B3GALT1: variants seen among roughly 807,000 people sequenced by gnomAD.
B3GALT1 encodes UDP-Gal:betaGlcNAc beta 1,3-galactosyltransferase, polypeptide 1.
A neutral mutation model predicts 23.2 loss-of-function variants in B3GALT1; 10 were observed. The observed-to-expected ratio is 0.43, with a 90% confidence interval of 0.27 to 0.73. B3GALT1 has a LOEUF of 0.73. B3GALT1 is among the 30% of genes least tolerant of loss of function. B3GALT1 has a pLI of 0.21. For synonymous variants in B3GALT1, 156 were observed against 141.5 expected, an observed-to-expected ratio of 1.10 and a Z score of -0.73; for missense variants, 299 against 405.4, an observed-to-expected ratio of 0.74 and a Z score of 2.25.
At chr2:167,311,478 T>C (rs990823980) in intron 1 of B3GALT1, among the ~76,000 whole-genome samples, 2 of 152,162 alleles carry the variant, frequency 1.3e-5, no homozygotes, top group South Asian at 4.1e-4. Flanking sequence ...GCATCTCTTT[T>C]GTAATTTTTA....
chr2:167,693,718 A>G (rs1443628469), intron 3 of B3GALT1, among the ~76,000 whole-genome samples: 1 of 152,098 alleles, frequency 6.6e-6, no homozygotes, highest in African/African-American at 2.4e-5. Context: ...TCTTTACTGC[A>G]TTTGGTACTA....
intron 1 of B3GALT1, among the ~76,000 whole-genome samples, chr2:167,396,227 C>A (rs1698092762): frequency 6.6e-6 from 1 of 152,036 alleles, no homozygotes; most frequent in African/African-American, 2.4e-5. Context: ...TCATGGGAAA[C>A]CGTTGAATGG....
chr2:167,556,025 A>G (rs990174260), intron 2 of B3GALT1, among the ~76,000 whole-genome samples: 16 of 152,286 alleles, frequency 1.1e-4, no homozygotes, highest in African/African-American at 3.8e-4. Flanking sequence ...GGATTTTTCT[A>G]TGGATCCCAG....
chr2:167,450,889 TTTC>T (rs1240703085), intron 1 of B3GALT1, among the ~76,000 whole-genome samples: 1 of 151,802 alleles, frequency 6.6e-6, no homozygotes, highest in East Asian at 1.9e-4. Flanking sequence ...TTGTTCATTT[TTTC>T]TTATCTTTTT....
At chr2:167,495,346 T>C (rs1386468808) in intron 2 of B3GALT1, among the ~76,000 whole-genome samples, 1 of 148,690 alleles carries the variant, frequency 6.7e-6, no homozygotes, top group African/African-American at 2.5e-5. Context: ...TTTTTTTTTT[T>C]TTTTGTGATG....
intron 3 of B3GALT1, among the ~76,000 whole-genome samples, chr2:167,736,347 AG>A (rs1574237164): frequency 6.6e-6 from 1 of 152,234 alleles, no homozygotes; most frequent in Admixed American, 6.5e-5. Context: ...CTATGTCAAA[AG>A]ATAATTCAGC....
chr2:167,319,705 T>C (rs1028737713), intron 1 of B3GALT1, among the ~76,000 whole-genome samples: 1 of 152,050 alleles, frequency 6.6e-6, no homozygotes, highest in African/African-American at 2.4e-5. Context: ...GAAAAAGATA[T>C]ATATAATGTT....
At chr2:167,615,161 A>T (rs1685138626) in intron 2 of B3GALT1, among the ~76,000 whole-genome samples, 1 of 152,106 alleles carries the variant, frequency 6.6e-6, no homozygotes, top group Non-Finnish European at 1.5e-5. Flanking sequence ...TAGATGAAGA[A>T]ATTGTAGTGT....
In B3GALT1 at chr2:167,294,541, C is replaced by A. The variant is rs1351731878; in HGVS notation, c.-511+1207C>A. Among the ~76,000 whole-genome samples the A allele has an allele frequency of 5.9e-5, 9 of 152,328 alleles. No individual in the cohort carries two copies. The East Asian group carries it at 1.7e-3, about 29-fold the overall frequency. On this transcript the variant is annotated intron_variant, in intron 1 of 4. Transcript: ENST00000392690. ...GTGGGTTCTCCATCCCTGCTCAGGA[C>A]GCACAAACTTACTCTTGGCGATTGT...
intron 4 of B3GALT1, among the ~76,000 whole-genome samples, chr2:167,867,206 G>T (rs536019902): frequency 2.6e-5 from 4 of 152,158 alleles, no homozygotes; most frequent in East Asian, 1.9e-4. Context: ...GATTACAGGC[G>T]TGAGCCACCG....
At chr2:167,718,418 T>C (rs1340295683) in intron 3 of B3GALT1, among the ~76,000 whole-genome samples, 1 of 152,226 alleles carries the variant, frequency 6.6e-6, no homozygotes, top group Non-Finnish European at 1.5e-5. Context: ...GTATTCTTAA[T>C]AAATATTGCT....
intron 2 of B3GALT1, among the ~76,000 whole-genome samples, chr2:167,494,185 A>G (rs563563779): frequency 1.8e-4 from 27 of 152,294 alleles, no homozygotes; most frequent in Admixed American, 1.6e-3. Flanking sequence ...TGTGTCTAAG[A>G]TTACAGCATT....
intron 3 of B3GALT1, among the ~76,000 whole-genome samples, chr2:167,677,591 A>G (rs1421861827): frequency 6.6e-6 from 1 of 152,182 alleles, no homozygotes. Context: ...CAATCACTAT[A>G]GACACCCTCA....
chr2:167,858,949 ACTAACAG>A (rs1690049149), intron 4 of B3GALT1, among the ~76,000 whole-genome samples: 1 of 152,190 alleles, frequency 6.6e-6, no homozygotes, highest in African/African-American at 2.4e-5. Flanking sequence ...TAGTGAATAC[ACTAACAG>A]CTTTCTGGTT....
chr2:167,777,595 G>A (rs748365384), intron 3 of B3GALT1, among the ~76,000 whole-genome samples: 43 of 152,042 alleles, frequency 2.8e-4, no homozygotes, highest in Non-Finnish European at 3.8e-4. Context: ...TGATCCACCC[G>A]CCTCGGCCTC....
chr2:167,733,960 T>A (rs1687452085), intron 3 of B3GALT1, among the ~76,000 whole-genome samples: 1 of 152,176 alleles, frequency 6.6e-6, no homozygotes. Context: ...CCTGGTTTAA[T>A]CTAACTGCGG....
intron 3 of B3GALT1, among the ~76,000 whole-genome samples, chr2:167,692,182 A>G (rs1686725036): frequency 1.3e-5 from 2 of 152,158 alleles, no homozygotes; most frequent in South Asian, 4.1e-4. Flanking sequence ...CTTGATCCTC[A>G]TGACCACACA....
At chr2:167,668,715 G>T (rs972609585) in intron 3 of B3GALT1, among the ~76,000 whole-genome samples, 10 of 152,060 alleles carry the variant, frequency 6.6e-5, no homozygotes, top group African/African-American at 2.2e-4. Flanking sequence ...GATTTTCCAG[G>T]TGCCGTCTGT....
intron 3 of B3GALT1, among the ~76,000 whole-genome samples, chr2:167,698,036 C>G (rs1686813414): frequency 6.6e-6 from 1 of 152,140 alleles, no homozygotes; most frequent in African/African-American, 2.4e-5. Context: ...ATCATGATTG[C>G]ACTTCATAAC....
Sources: gnomAD v4.1 joint callset for allele counts (sites outside exome capture counted in the v4.1 genomes callset) on GRCh38, gnomAD v4.1.1 for gene constraint, MANE v1.5 for transcripts, NCBI Gene and HGNC (gene_info 2026-07-23, HGNC 2026-07-21) for gene names.